HDAC4: variants seen among roughly 807,000 people sequenced by gnomAD.
The protein encoded by HDAC4 is histone deacetylase A.
In HDAC4, 16 loss-of-function variants were observed where a neutral mutation model predicts 135.1. That is an observed-to-expected ratio of 0.12 (90% confidence interval 0.08 to 0.18). The LOEUF (loss-of-function observed/expected upper bound fraction) is 0.18, where lower values mean the gene tolerates loss of function less well. Among genes scored for constraint, HDAC4 ranks in the 10% least tolerant of loss-of-function variants. HDAC4 has a pLI of 1.00. For missense variants in HDAC4, 1,143 were observed against 1,511.8 expected (o/e 0.76, Z 4.05); for synonymous variants, 685 against 653.4 (o/e 1.05, Z -0.74).
chr2:239,288,910 G>A (rs2051298375), intron 2 of HDAC4, among the ~76,000 whole-genome samples: 1 of 152,164 alleles, frequency 6.6e-6, no homozygotes, highest in South Asian at 2.1e-4. Flanking sequence ...CAAGTTTCAG[G>A]CTAGGCTTTT....
chr2:239,298,172 T>C, intron 2 of HDAC4: 2 of 1,280,532 alleles, frequency 1.6e-6, no homozygotes, highest in South Asian at 2.5e-5. Flanking sequence ...TCACCAAACA[T>C]TTGCTGACAG....
chr2:239,154,804 G>C (rs556764660), intron 7 of HDAC4: 1 of 152,296 alleles, frequency 6.6e-6, no homozygotes, highest in East Asian at 1.9e-4. Context: ...CGCTCTCCAG[G>C]TGAAATCCAG....
chr2:239,144,102 T>A (rs2041594972), intron 8 of HDAC4, among the ~76,000 whole-genome samples: 1 of 152,180 alleles, frequency 6.6e-6, no homozygotes, highest in African/African-American at 2.4e-5. Flanking sequence ...AGGGCCAAGC[T>A]GAAGCAACTT....
At chr2:239,249,991 G>C (rs887448724) in intron 2 of HDAC4, among the ~76,000 whole-genome samples, 1 of 152,142 alleles carries the variant, frequency 6.6e-6, no homozygotes, top group African/African-American at 2.4e-5. Context: ...CTCTGCTTCC[G>C]GGCCTCCCGC....
At chr2:239,143,637 G>A (rs1000630736) in intron 8 of HDAC4, among the ~76,000 whole-genome samples, 3 of 152,346 alleles carry the variant, frequency 2.0e-5, no homozygotes, top group East Asian at 1.9e-4. Context: ...CAGGGCACGA[G>A]AAACAGGCAG....
Position 239,299,667 on chromosome 2 carries a change from G to A in HDAC4, c.22+53011C>T, listed in dbSNP as rs1049786645. ...AAAGCCAATTCCTTGAGTGAGAAGCGTCATGGGTAGAATCACGGAGCAAGG... is the reference window on the plus strand; with the variant it reads ...AAAGCCAATTCCTTGAGTGAGAAGCATCATGGGTAGAATCACGGAGCAAGG... On this transcript the variant is annotated intron_variant, in intron 2 of 26. Coordinates refer to ENST00000543185, the MANE Select transcript of HDAC4 (RefSeq NM_001378414.1). This position sits in a 1 kb window ranked among gnomAD's most constrained non-coding sequence, Gnocchi z 4.0. 2.0e-5 allele frequency among the ~76,000 whole-genome samples: 3 copies of A among 152,188 alleles called. No homozygotes were observed. The highest frequency in any genetic ancestry group is 2.1e-4 in the South Asian group (1 of 4,836).
chr2:239,320,973 T>A (rs966425626), intron 2 of HDAC4, among the ~76,000 whole-genome samples: 153 of 152,358 alleles, frequency 1.0e-3, no homozygotes, highest in African/African-American at 3.3e-3. Context: ...TTACATGATT[T>A]ATACCGCTTT....
At chr2:239,072,351 G>T (rs571451152) in intron 22 of HDAC4, among the ~76,000 whole-genome samples, 16 of 152,292 alleles carry the variant, frequency 1.1e-4, no homozygotes, top group Admixed American at 9.1e-4. Context: ...CCACCATGAA[G>T]CCTAGTTTGC....
chr2:239,395,871 T>C (rs1252499334), intron 1 of HDAC4, among the ~76,000 whole-genome samples: 1 of 152,234 alleles, frequency 6.6e-6, no homozygotes, highest in Non-Finnish European at 1.5e-5. Flanking sequence ...TTTCAAAATG[T>C]AGAACTGTGG....
At chr2:239,298,535 A>G in intron 2 of HDAC4, 1 of 1,027,250 alleles carries the variant, frequency 9.7e-7, no homozygotes, top group Non-Finnish European at 1.2e-6. Flanking sequence ...TCATTTAGTC[A>G]TCATAGCCAC....
chr2:239,085,469 G>A (rs1273659635), intron 19 of HDAC4, among the ~76,000 whole-genome samples: 1 of 152,228 alleles, frequency 6.6e-6, no homozygotes, highest in Non-Finnish European at 1.5e-5. Flanking sequence ...TCCTGCAGCG[G>A]CTCACGGGGA....
intron 12 of HDAC4, among the ~76,000 whole-genome samples, chr2:239,122,489 C>T (rs1224918269): frequency 6.6e-6 from 1 of 152,216 alleles, no homozygotes; most frequent in Non-Finnish European, 1.5e-5. Flanking sequence ...TGTGCGTTCT[C>T]CAGAAAGTTC....
intron 7 of HDAC4, among the ~76,000 whole-genome samples, chr2:239,155,920 AGGCACTCCCT>A (rs2042396469): frequency 6.6e-6 from 1 of 152,142 alleles, no homozygotes; most frequent in Non-Finnish European, 1.5e-5. Context: ...AGCCTCTGGA[AGGCACTCCCT>A]GGCCCCTGCC....
intron 12 of HDAC4, among the ~76,000 whole-genome samples, chr2:239,118,433 G>A (rs1178636388): frequency 2.0e-5 from 3 of 152,206 alleles, no homozygotes; most frequent in South Asian, 2.1e-4. Context: ...GGCGTGGCAC[G>A]TAAGGAACTC....
Position 239,242,213 on chromosome 2 carries a change from G to A in HDAC4, c.23-5549C>T, listed in dbSNP as rs1358961990. On this transcript the variant is annotated intron_variant, in intron 2 of 26. Transcript: ENST00000543185. ...AAAGAGGGAGAGAAAGAGAGAGGAC[G>A]AGAGAGGAAGGAGGGGAAGGGAGGG... is the stretch of plus-strand genomic sequence containing the variant. Among the ~76,000 whole-genome samples, 4 of 134,364 alleles carry A rather than the reference G, an allele frequency of 3.0e-5. No individual in the cohort carries two copies. In the South Asian group the frequency reaches 1.0e-3, roughly 35 times the overall value. The allele number at this position is 134,364 out of a possible 152,430, so 88.1% of individuals were successfully genotyped here. A position where few individuals can be genotyped will look rare whatever the true frequency, so the allele number is the denominator to read the frequency against.
At chr2:239,298,412 G>C (rs1002265170) in intron 2 of HDAC4, 26 of 1,171,084 alleles carry the variant, frequency 2.2e-5, no homozygotes, top group Non-Finnish European at 2.8e-5. Context: ...GGGAAACAGG[G>C]TATCCTGAAG....
chr2:239,168,534 T>C (rs2043249183), intron 5 of HDAC4, among the ~76,000 whole-genome samples: 1 of 152,224 alleles, frequency 6.6e-6, no homozygotes, highest in South Asian at 2.1e-4. Flanking sequence ...TGTAATGATA[T>C]TTATTAGATA....
At chr2:239,114,026 G>A (rs945769423) in intron 13 of HDAC4, among the ~76,000 whole-genome samples, 1 of 152,216 alleles carries the variant, frequency 6.6e-6, no homozygotes, top group Admixed American at 6.5e-5. Context: ...AGACCACTGA[G>A]CACTGATCCC....
At chr2:239,107,956 T>A in intron 15 of HDAC4, 94 bp downstream of exon 15, 2 of 1,525,310 alleles carry the variant, frequency 1.3e-6, no homozygotes, top group Admixed American at 3.4e-5. Context: ...AAGAACCACC[T>A]GCAAAACCAA....
Sources: gnomAD v4.1 joint callset for allele counts (sites outside exome capture counted in the v4.1 genomes callset) on GRCh38, gnomAD v4.1.1 for gene constraint, Gnocchi (gnomAD v3.1) non-coding constraint, MANE v1.5 for transcripts, NCBI Gene and HGNC (gene_info 2026-07-23, HGNC 2026-07-21) for gene names.